The following GALNTL6 variants were observed in gnomAD, a reference collection of about 807,000 sequenced individuals.
GALNTL6 encodes polypeptide N-acetylgalactosaminyltransferase like 6.
Under a neutral mutation model 73.7 loss-of-function variants are expected in GALNTL6, and 46 were observed. That is an observed-to-expected ratio of 0.62 (90% CI 0.49 to 0.80). GALNTL6 has a LOEUF of 0.80. Among genes scored for constraint, GALNTL6 ranks in the 30% least tolerant of loss-of-function variants. The pLI, the probability that GALNTL6 is intolerant of heterozygous loss-of-function variation, is 0.00. For missense variants in GALNTL6, 604 were observed against 755.0 expected (o/e 0.80, Z 2.34); for synonymous variants, 259 against 263.7 (o/e 0.98, Z 0.17).
At chr4:172,226,534 A>AT (rs36156796) in intron 2 of GALNTL6, among the ~76,000 whole-genome samples, 2,166 of 150,424 alleles carry the variant, frequency 0.014, 56 homozygotes, top group African/African-American at 0.051. Context: ...TCATTTCAAT[A>AT]TTTTTTTTAA....
chr4:172,724,117 C>A (rs1735657548), intron 5 of GALNTL6, among the ~76,000 whole-genome samples: 1 of 152,222 alleles, frequency 6.6e-6, no homozygotes, highest in East Asian at 1.9e-4. Context: ...AAAGAGTGAA[C>A]AGAACCCTTA....
intron 5 of GALNTL6, among the ~76,000 whole-genome samples, chr4:172,777,963 C>T (rs1305388734): frequency 6.6e-6 from 1 of 152,182 alleles, no homozygotes; most frequent in Non-Finnish European, 1.5e-5. Context: ...GTGGCAATGA[C>T]AAGATCATTT....
chr4:172,278,729 C>T (rs948119420), intron 3 of GALNTL6, among the ~76,000 whole-genome samples: 2 of 152,038 alleles, frequency 1.3e-5, no homozygotes, highest in Non-Finnish European at 2.9e-5. Context: ...ATATAGAATT[C>T]CATGTTTCAA....
chr4:172,612,860 A>C (rs1472617336), intron 5 of GALNTL6, among the ~76,000 whole-genome samples: 3 of 152,128 alleles, frequency 2.0e-5, no homozygotes, highest in Non-Finnish European at 2.9e-5. Flanking sequence ...TTTTGCTTAA[A>C]TATTGCAATG....
At chr4:172,337,733 C>G (rs1235392043) in intron 4 of GALNTL6, among the ~76,000 whole-genome samples, 2 of 136,360 alleles carry the variant, frequency 1.5e-5, no homozygotes, top group Non-Finnish European at 3.1e-5. Flanking sequence ...CTTGATCAGT[C>G]TGGTGATTAT....
At chr4:172,723,886 C>T (rs1040739758) in intron 5 of GALNTL6, among the ~76,000 whole-genome samples, 1 of 152,054 alleles carries the variant, frequency 6.6e-6, no homozygotes, top group Non-Finnish European at 1.5e-5. Flanking sequence ...TTTTGAGCCA[C>T]AAAAGTACCT....
At chr4:172,967,377 A>G (rs1750378797) in intron 10 of GALNTL6, among the ~76,000 whole-genome samples, 1 of 152,200 alleles carries the variant, frequency 6.6e-6, no homozygotes, top group East Asian at 1.9e-4. Flanking sequence ...TCTCAGGAGG[A>G]GCTTAATTTT....
At chr4:172,491,748 C>A (rs1733901548) in intron 5 of GALNTL6, among the ~76,000 whole-genome samples, 1 of 152,058 alleles carries the variant, frequency 6.6e-6, no homozygotes, top group South Asian at 2.1e-4. Flanking sequence ...TAAAAATTAT[C>A]TCTTTTTTAT....
At chr4:172,985,444 C>T (rs1751250207) in intron 10 of GALNTL6, among the ~76,000 whole-genome samples, 1 of 151,724 alleles carries the variant, frequency 6.6e-6, no homozygotes, top group Admixed American at 6.6e-5. Context: ...TGAGTAAGTA[C>T]TACATCTTGG....
At chr4:171,995,102 A>G (rs1740448655) in intron 2 of GALNTL6, among the ~76,000 whole-genome samples, 1 of 151,962 alleles carries the variant, frequency 6.6e-6, no homozygotes, top group South Asian at 2.1e-4. Flanking sequence ...TTTTATTAAA[A>G]CAATAGTAAA....
chr4:172,687,992 A>C (rs752242196), intron 5 of GALNTL6, among the ~76,000 whole-genome samples: 3 of 152,228 alleles, frequency 2.0e-5, no homozygotes, highest in Non-Finnish European at 4.4e-5. Context: ...TTTGATATTT[A>C]AAGTGAACGG....
chr4:172,486,319 T>A lies in GALNTL6; in HGVS notation c.553+137630T>A, dbSNP rs557741592. Among the ~76,000 whole-genome samples the A allele has an allele frequency of 3.5e-4, 54 of 152,256 alleles. 2 individuals carry two copies. The South Asian group carries it at 0.011, about 32-fold the overall frequency. On this transcript the variant is annotated intron_variant, in intron 5 of 12. Coordinates refer to ENST00000506823, the MANE Select transcript of GALNTL6 (RefSeq NM_001034845.3). Reference sequence around the variant, plus strand: ...ACCCTAAGAATACAGGGATATAAAGTCAAAGAAAGTTGTTGGGTCTCTATT... The same window carrying A: ...ACCCTAAGAATACAGGGATATAAAGACAAAGAAAGTTGTTGGGTCTCTATT...
At chr4:173,017,641 A>T (rs1323054758) in intron 11 of GALNTL6, among the ~76,000 whole-genome samples, 1 of 152,226 alleles carries the variant, frequency 6.6e-6, no homozygotes, top group Admixed American at 6.5e-5. Flanking sequence ...TAATCTGAAG[A>T]TGTATCACCT....
intron 5 of GALNTL6, among the ~76,000 whole-genome samples, chr4:172,404,274 T>C (rs1744136732): frequency 6.6e-6 from 1 of 151,946 alleles, no homozygotes; most frequent in Non-Finnish European, 1.5e-5. Flanking sequence ...CCCACAGTGA[T>C]TATTACAACT....
chr4:172,317,032 C>G (rs1158010019), intron 4 of GALNTL6, among the ~76,000 whole-genome samples: 1 of 152,128 alleles, frequency 6.6e-6, no homozygotes, highest in South Asian at 2.1e-4. Flanking sequence ...AGGCCAGGTG[C>G]GTTTGTCTAA....
At chr4:172,417,924 A>G (rs1579053223) in intron 5 of GALNTL6, among the ~76,000 whole-genome samples, 1 of 152,114 alleles carries the variant, frequency 6.6e-6, no homozygotes, top group Non-Finnish European at 1.5e-5. Context: ...GAGGGTGAAA[A>G]ATTACTCAAG....
At chr4:171,879,117 A>G (rs2110908193) in intron 2 of GALNTL6, among the ~76,000 whole-genome samples, 1 of 152,324 alleles carries the variant, frequency 6.6e-6, no homozygotes, top group South Asian at 2.1e-4. Flanking sequence ...CGTATTGAAG[A>G]GAATCACAGA....
intron 5 of GALNTL6, among the ~76,000 whole-genome samples, chr4:172,387,157 G>T (rs1044549053): frequency 6.6e-6 from 1 of 152,052 alleles, no homozygotes; most frequent in Non-Finnish European, 1.5e-5. Context: ...ACCTTCTATG[G>T]GAGTATGGTT....
chr4:172,583,893 CAAAAAA>C (rs57722016), intron 5 of GALNTL6, among the ~76,000 whole-genome samples: 12 of 31,616 alleles, frequency 3.8e-4, no homozygotes, highest in Admixed American at 1.6e-3. Flanking sequence ...GACTCTGTCT[CAAAAAA>C]AAAAAAAAAA....
Sources: gnomAD v4.1 joint callset for allele counts (sites outside exome capture counted in the v4.1 genomes callset) on GRCh38, gnomAD v4.1.1 for gene constraint, MANE v1.5 for transcripts, NCBI Gene and HGNC (gene_info 2026-07-23, HGNC 2026-07-21) for gene names.